Variants in CCL17 observed in about 807,000 individuals in gnomAD.
The protein encoded by CCL17 is C-C motif chemokine ligand 17, also known as C-C motif chemokine 17.
A neutral mutation model predicts 7.4 loss-of-function variants in CCL17; 8 were observed. That is an observed-to-expected ratio of 1.09 (90% CI 0.64 to 1.96). CCL17 has a LOEUF of 1.96. Among genes scored for constraint, CCL17 ranks in the 30% most tolerant of loss-of-function variants. CCL17 has a pLI of 0.00. For missense variants in CCL17, 102 were observed against 113.0 expected, an observed-to-expected ratio of 0.90 and a Z score of 0.44; for synonymous variants, 40 against 46.1, an observed-to-expected ratio of 0.87 and a Z score of 0.54.
At chr16:57,402,372 G>T (rs1567560485), upstream of CCL17, among the ~76,000 whole-genome samples, 1 of 152,182 alleles carries the variant, frequency 6.6e-6, no homozygotes, top group Non-Finnish European at 1.5e-5. Context: ...AGGGTGTGAG[G>T]CTTCTTCCCA....
chr16:57,414,711 C>A (rs1023141615), intron 2 of CCL17, among the ~76,000 whole-genome samples: 4 of 152,002 alleles, frequency 2.6e-5, no homozygotes, highest in Non-Finnish European at 4.4e-5. Flanking sequence ...AAAAGAGATT[C>A]TTATATTAGG....
chr16:57,405,894 T>C (rs1185322539), intron 1 of CCL17, among the ~76,000 whole-genome samples: 2 of 146,194 alleles, frequency 1.4e-5, no homozygotes, highest in Non-Finnish European at 3.0e-5. Context: ...AAAAAAAAAT[T>C]AGCCGGGCAT....
the CCL17 span, among the ~76,000 whole-genome samples, chr16:57,398,682 G>T: frequency 1.3e-5 from 2 of 152,210 alleles, no homozygotes; most frequent in Admixed American, 1.3e-4. Context: ...CTAAGATTAG[G>T]CCTAGATATT....
chr16:57,402,355 C>T (rs1425185374), upstream of CCL17, among the ~76,000 whole-genome samples: 1 of 152,208 alleles, frequency 6.6e-6, no homozygotes, highest in Non-Finnish European at 1.5e-5. Context: ...CACCAGGCTC[C>T]TTGGAAAGGG....
chr16:57,407,837 C>T (rs1259454546), intron 1 of CCL17, among the ~76,000 whole-genome samples: 1 of 151,840 alleles, frequency 6.6e-6, no homozygotes, highest in African/African-American at 2.4e-5. Flanking sequence ...TTCATTCATT[C>T]ATCTACCCAT....
At chr16:57,403,536 TTATA>T (rs1326921059), upstream of CCL17, among the ~76,000 whole-genome samples, 11 of 33,878 alleles carry the variant, frequency 3.2e-4, 3 homozygotes, top group African/African-American at 2.3e-3. Flanking sequence ...GTTATATATA[TTATA>T]AATATATATT....
chr16:57,404,664 G>A (rs147318434), upstream of CCL17: 295 of 153,300 alleles, frequency 1.9e-3, no homozygotes, highest in Non-Finnish European at 3.0e-3. Context: ...AGTCAGAAAC[G>A]TGTACTATTT....
chr16:57,399,026 G>T, the CCL17 span, among the ~76,000 whole-genome samples: 1 of 152,346 alleles, frequency 6.6e-6, no homozygotes, highest in East Asian at 1.9e-4. Flanking sequence ...CATCCTTGAG[G>T]TCCAGAACAG....
the CCL17 span, among the ~76,000 whole-genome samples, chr16:57,398,238 C>T: frequency 6.6e-6 from 1 of 152,162 alleles, no homozygotes. Flanking sequence ...ACTAACATGG[C>T]CACCACCGCA....
At chr16:57,397,815 C>T in the CCL17 span, among the ~76,000 whole-genome samples, 10 of 152,298 alleles carry the variant, frequency 6.6e-5, no homozygotes, top group East Asian at 5.8e-4. Flanking sequence ...GGTAACTGGG[C>T]GCTGGTCCCT....
In CCL17 at chr16:57,415,690, C is replaced by T; in HGVS notation, c.189-75C>T. Reference sequence around the variant, plus strand: ...TGGAGCCTTGGAATCCTGGTCAGCACAGGGCGGGCCGTCCCAGGGACTCTG... The same window carrying T: ...TGGAGCCTTGGAATCCTGGTCAGCATAGGGCGGGCCGTCCCAGGGACTCTG... On this transcript the variant is annotated intron_variant, in intron 3 of 3. Transcript: ENST00000219244. This position sits in a 1 kb window ranked among gnomAD's most constrained non-coding sequence, Gnocchi z 4.5. The T allele has an allele frequency of 2.2e-6, 2 of 926,300 alleles. No individual in the cohort carries two copies. The highest frequency in any genetic ancestry group is 2.4e-5 in the East Asian group (1 of 41,402). 57.4% of individuals were successfully genotyped at this position (926,300 alleles called of 1,614,324 possible).
At chr16:57,403,228 C>A (rs1160077971), upstream of CCL17, among the ~76,000 whole-genome samples, 1 of 1,002 alleles carries the variant, frequency 1.0e-3, no homozygotes, top group Non-Finnish European at 1.4e-3. Context: ...ATATTATTAT[C>A]TATAATATAT....
upstream of CCL17, among the ~76,000 whole-genome samples, chr16:57,403,524 A>G (rs1490996559): frequency 3.2e-5 from 1 of 31,738 alleles, no homozygotes; most frequent in African/African-American, 1.9e-4. Context: ...TATTATATAT[A>G]TGTTATATAT....
chr16:57,401,648 G>C (rs1458733933), upstream of CCL17, among the ~76,000 whole-genome samples: 3 of 152,188 alleles, frequency 2.0e-5, no homozygotes, highest in Non-Finnish European at 4.4e-5. Context: ...GCCAAATTCT[G>C]TTCCTCTAGT....
intron 1 of CCL17, among the ~76,000 whole-genome samples, chr16:57,413,200 C>T (rs148920936): frequency 1.3e-5 from 2 of 152,336 alleles, no homozygotes; most frequent in East Asian, 1.9e-4. Flanking sequence ...TGGACTGAAT[C>T]GAAGCACCGT....
At chr16:57,411,712 G>A (rs1234235007) in intron 1 of CCL17, among the ~76,000 whole-genome samples, 3 of 152,196 alleles carry the variant, frequency 2.0e-5, no homozygotes, top group Non-Finnish European at 2.9e-5. Context: ...GTCGGCGGAG[G>A]CGCCCCTTCC....
upstream of CCL17, among the ~76,000 whole-genome samples, chr16:57,401,246 C>G (rs371224975): frequency 6.6e-6 from 1 of 151,576 alleles, no homozygotes; most frequent in South Asian, 2.1e-4. Context: ...TGAACAGGCC[C>G]GGTGTGGTGG....
upstream of CCL17, among the ~76,000 whole-genome samples, chr16:57,404,467 G>A (rs1030757481): frequency 4.6e-5 from 7 of 152,082 alleles, no homozygotes; most frequent in African/African-American, 1.2e-4. Flanking sequence ...CCTAGTAACC[G>A]GAAGGAAGGG....
intron 1 of CCL17, among the ~76,000 whole-genome samples, chr16:57,412,886 C>T (rs562057316): frequency 2.0e-5 from 3 of 152,334 alleles, no homozygotes; most frequent in South Asian, 2.1e-4. Context: ...GGGGCTGAGA[C>T]GCTAGAGTCA....
Sources: gnomAD v4.1 joint callset for allele counts (sites outside exome capture counted in the v4.1 genomes callset) on GRCh38, gnomAD v4.1.1 for gene constraint, Gnocchi (gnomAD v3.1) non-coding constraint, MANE v1.5 for transcripts, NCBI Gene and HGNC (gene_info 2026-07-23, HGNC 2026-07-21) for gene names.